Variants in DACH1 observed in about 807,000 individuals in gnomAD.
DACH1 encodes the protein dachshund family transcription factor 1.
A neutral mutation model predicts 54.2 loss-of-function variants in DACH1; 12 were observed. That is an observed-to-expected ratio of 0.22 (90% CI 0.14 to 0.36). The LOEUF is 0.36. Ranked by LOEUF, DACH1 falls within the 10% of genes least tolerant of loss-of-function variation. DACH1 has a pLI of 1.00. For synonymous variants in DACH1, 386 were observed against 366.2 expected, an observed-to-expected ratio of 1.05 and a Z score of -0.62; for missense variants, 805 against 929.8, an observed-to-expected ratio of 0.87 and a Z score of 1.75.
chr13:71,613,248 G>A (rs1001288032), intron 3 of DACH1, among the ~76,000 whole-genome samples: 10 of 152,274 alleles, frequency 6.6e-5, no homozygotes, highest in South Asian at 6.2e-4. Context: ...AAGAAAGGAC[G>A]TAGTCTGTTT....
intron 1 of DACH1, among the ~76,000 whole-genome samples, chr13:71,683,897 G>A (rs559109466): frequency 8.6e-5 from 13 of 152,030 alleles, no homozygotes; most frequent in Admixed American, 2.0e-4. Flanking sequence ...ATCTCTGCTC[G>A]GATGTTCTAT....
Position 71,866,523 on chromosome 13 carries a change from C to CGCT in DACH1, c.244_246dup (p.Ser82dup). On this transcript the variant is annotated inframe_insertion, in exon 1 of 11. Coordinates refer to ENST00000613252, the MANE Select transcript of DACH1 (RefSeq NM_080759.6). ...TTGCCGCTGCTGCCGCCGCCGCCTC[C>CGCT]GCTGCCGCCGCCGCCGCCGCCGCCG... is the stretch of plus-strand genomic sequence containing the variant. The CGCT allele has an allele frequency of 8.2e-6, 10 of 1,222,532 alleles. No individual in the cohort carries two copies. The highest frequency in any genetic ancestry group is 1.0e-5 in the Non-Finnish European group (10 of 987,782). The allele number at this position is 1,222,532 out of a possible 1,614,324, so 75.7% of individuals were successfully genotyped here.
intron 2 of DACH1, among the ~76,000 whole-genome samples, chr13:71,647,553 T>A (rs1878376708): frequency 2.0e-5 from 3 of 152,192 alleles, no homozygotes; most frequent in African/African-American, 7.2e-5. Flanking sequence ...CCACGGGACA[T>A]CTAAAAGGCT....
intron 2 of DACH1, among the ~76,000 whole-genome samples, chr13:71,639,591 C>G (rs367922952): frequency 3.3e-4 from 50 of 152,018 alleles, no homozygotes; most frequent in African/African-American, 1.2e-3. Context: ...ACTTATAAAT[C>G]AAATAGACAT....
At chr13:71,604,674 TATCTC>T (rs1468261883) in intron 3 of DACH1, among the ~76,000 whole-genome samples, 1 of 151,928 alleles carries the variant, frequency 6.6e-6, no homozygotes, top group African/African-American at 2.4e-5. Flanking sequence ...AAATGGAAGT[TATCTC>T]AGCCAATAGA....
intron 3 of DACH1, among the ~76,000 whole-genome samples, chr13:71,599,892 T>G (rs1246105672): frequency 1.3e-5 from 2 of 151,254 alleles, no homozygotes; most frequent in African/African-American, 2.4e-5. Context: ...ACAGATATAA[T>G]GTGAGATGCC....
intron 6 of DACH1, among the ~76,000 whole-genome samples, chr13:71,506,536 T>C (rs904184841): frequency 3.3e-5 from 5 of 151,924 alleles, no homozygotes; most frequent in South Asian, 2.1e-4. Flanking sequence ...CAGTCTATCA[T>C]TGTTGGACAT....
At chr13:71,691,871 T>G (rs1434673842) in intron 1 of DACH1, among the ~76,000 whole-genome samples, 2 of 152,106 alleles carry the variant, frequency 1.3e-5, no homozygotes, top group African/African-American at 4.8e-5. Context: ...CTGTAGTAAA[T>G]GTTGCAGAGC....
chr13:71,444,041 A>C (rs1183627925), intron 10 of DACH1, among the ~76,000 whole-genome samples: 1 of 152,150 alleles, frequency 6.6e-6, no homozygotes, highest in South Asian at 2.1e-4. Context: ...GTAATATATA[A>C]TTATTTGTGG....
chr13:71,461,531 T>A (rs1481962099), intron 10 of DACH1, among the ~76,000 whole-genome samples: 1 of 152,086 alleles, frequency 6.6e-6, no homozygotes, highest in African/African-American at 2.4e-5. Flanking sequence ...CATATAAATA[T>A]GTATTTGGAG....
intron 3 of DACH1, among the ~76,000 whole-genome samples, chr13:71,609,175 T>C (rs776898022): frequency 5.9e-5 from 9 of 152,098 alleles, no homozygotes; most frequent in Non-Finnish European, 1.3e-4. Context: ...AGTTTATTAT[T>C]ATGTGCCTAG....
chr13:71,569,311 C>A (rs1885065643), intron 4 of DACH1, among the ~76,000 whole-genome samples: 1 of 151,958 alleles, frequency 6.6e-6, no homozygotes, highest in East Asian at 1.9e-4. Flanking sequence ...TGGTAAAAGG[C>A]CAAACAGCAA....
At chr13:71,700,353 C>G (rs958648428) in intron 1 of DACH1, among the ~76,000 whole-genome samples, 2 of 151,974 alleles carry the variant, frequency 1.3e-5, no homozygotes, top group East Asian at 3.9e-4. Flanking sequence ...GTCAGGAGTT[C>G]GAGACCAGCC....
chr13:71,642,789 G>A (rs1045134347), intron 2 of DACH1, among the ~76,000 whole-genome samples: 1 of 152,138 alleles, frequency 6.6e-6, no homozygotes, highest in Non-Finnish European at 1.5e-5. Context: ...GGGAGGCCGA[G>A]GCGAGCAGAT....
At chr13:71,733,980 C>G (rs1412285592) in intron 1 of DACH1, among the ~76,000 whole-genome samples, 1 of 151,760 alleles carries the variant, frequency 6.6e-6, no homozygotes, top group Non-Finnish European at 1.5e-5. Context: ...ACCTGGGGAT[C>G]GGAGGTTGCA....
intron 1 of DACH1, among the ~76,000 whole-genome samples, chr13:71,701,584 A>T (rs1882138452): frequency 6.6e-6 from 1 of 152,152 alleles, no homozygotes; most frequent in African/African-American, 2.4e-5. Context: ...CAAAAGGGGG[A>T]TTGATAGGAG....
chr13:71,537,302 G>A (rs771331761), intron 6 of DACH1, among the ~76,000 whole-genome samples: 24 of 152,162 alleles, frequency 1.6e-4, no homozygotes, highest in South Asian at 6.2e-4. Context: ...AAGCCTCTTG[G>A]TGCCATCCTA....
intron 3 of DACH1, among the ~76,000 whole-genome samples, chr13:71,624,103 T>C (rs1383908958): frequency 6.6e-6 from 1 of 151,944 alleles, no homozygotes; most frequent in Non-Finnish European, 1.5e-5. Flanking sequence ...TATTTAAAAA[T>C]GCATTTAAAT....
rs903909217 is a variant in DACH1 at position 71,480,147 on chromosome 13, A to G, written c.1723-831T>C. Among the ~76,000 whole-genome samples, 21 of 152,330 alleles carry G rather than the reference A, an allele frequency of 1.4e-4. No individual in the cohort carries two copies. In the East Asian group the frequency reaches 2.7e-3, roughly 20 times the overall value. On this transcript the variant is annotated intron_variant, in intron 7 of 10. Transcript: ENST00000613252. ...CCCCAGGGCCCAGAAAGTGCCTACTATATACTAGATTTTAAAATTTCACAA... is the reference window on the plus strand; with the variant it reads ...CCCCAGGGCCCAGAAAGTGCCTACTGTATACTAGATTTTAAAATTTCACAA...
Sources: allele counts gnomAD v4.1 joint callset (sites outside exome capture counted in the v4.1 genomes callset), GRCh38; gene constraint gnomAD v4.1.1; transcripts MANE v1.5; gene names NCBI Gene and HGNC (gene_info 2026-07-23, HGNC 2026-07-21).